The following FBXO45 variants were observed in gnomAD, a reference collection of about 807,000 sequenced individuals.
FBXO45 encodes F-box/SPRY domain-containing protein 1.
In FBXO45, 3 loss-of-function variants were observed where a neutral mutation model predicts 25.5. That is an observed-to-expected ratio of 0.12 (90% CI 0.05 to 0.30). The LOEUF (loss-of-function observed/expected upper bound fraction) is 0.30. Among genes scored for constraint, FBXO45 ranks in the 10% least tolerant of loss-of-function variants. The probability of loss-of-function intolerance (pLI) is 1.00; values close to 1 mark genes in which losing one functional copy is unlikely to be tolerated. For synonymous variants in FBXO45, 155 were observed against 149.8 expected (o/e 1.03, Z -0.25); for missense variants, 219 against 365.0 (o/e 0.60, Z 3.26).
chr3:196,575,948 A>G (rs1407455377), intron 1 of FBXO45, among the ~76,000 whole-genome samples: 1 of 152,132 alleles, frequency 6.6e-6, no homozygotes, highest in African/African-American at 2.4e-5. Flanking sequence ...AAGTGCTGGG[A>G]TTGCAGGGGT....
rs1735876910 is a variant in FBXO45 at position 196,574,273 on chromosome 3, A to G, written c.319-3180A>G. On this transcript the variant is annotated intron_variant, in intron 1 of 2. Coordinates refer to ENST00000311630, the MANE Select transcript of FBXO45 (RefSeq NM_001105573.2). ...TATGAAGTTTCCAGTATCTGTTTCT[A>G]AAAAGTAAAGACACTTAATGTAATC... 2.0e-5 allele frequency among the ~76,000 whole-genome samples: 3 copies of G among 152,142 alleles called. 1 individual carries two copies. Among genetic ancestry groups the G allele is most frequent in the African/African-American group, 7.2e-5 (3 of 41,430 alleles).
chr3:196,572,549 G>A (rs1333365255), intron 1 of FBXO45, among the ~76,000 whole-genome samples: 1 of 152,188 alleles, frequency 6.6e-6, no homozygotes, highest in Non-Finnish European at 1.5e-5. Flanking sequence ...ATATGTCAAT[G>A]TGGCTGGAGC....
At chr3:196,579,013 A>C (rs1735964392) in intron 2 of FBXO45, among the ~76,000 whole-genome samples, 1 of 152,188 alleles carries the variant, frequency 6.6e-6, no homozygotes, top group Non-Finnish European at 1.5e-5. Flanking sequence ...TTGTGGATTC[A>C]AAGCCCCTGG....
rs1369027510 is a variant in FBXO45 at position 196,588,471 on chromosome 3, C to A, written c.*4153C>A. The A allele has an allele frequency of 6.6e-6, 1 of 152,210 alleles. No homozygotes were observed. Among genetic ancestry groups the A allele is most frequent in the Admixed American group, 6.5e-5 (1 of 15,276 alleles). 9.4% of individuals were successfully genotyped at this position (152,210 alleles called of 1,614,324 possible). ...GTAGATAATCAGGACCACTTGGAAG[C>A]CTTTATTAGGAACAGCCCACACCCA... On this transcript the variant is annotated 3_prime_UTR_variant, in exon 3 of 3. Coordinates refer to ENST00000311630, the MANE Select transcript of FBXO45 (RefSeq NM_001105573.2). The surrounding 1 kb of genome is among the most constrained non-coding windows in gnomAD (Gnocchi z 4.2).
At chr3:196,580,444 T>A (rs1234945273) in intron 2 of FBXO45, among the ~76,000 whole-genome samples, 1 of 151,892 alleles carries the variant, frequency 6.6e-6, no homozygotes, top group Non-Finnish European at 1.5e-5. Flanking sequence ...ACTCCTGACC[T>A]CGTGATCCGC....
chr3:196,573,750 A>G (rs12636036), intron 1 of FBXO45, among the ~76,000 whole-genome samples: 85,220 of 151,550 alleles, frequency 0.56, 25,706 homozygotes, highest in African/African-American at 0.78. Flanking sequence ...TTAAGTTCAT[A>G]TTTTACATAT....
rs957457005 is a variant in FBXO45 at position 196,586,251 on chromosome 3, A to C, written c.*1933A>C. The C allele has an allele frequency of 5.3e-5, 8 of 152,156 alleles. No homozygotes were observed. Among genetic ancestry groups the C allele is most frequent in the Non-Finnish European group, 1.0e-4 (7 of 68,028 alleles). The allele number at this position is 152,156 out of a possible 1,614,324, so 9.4% of individuals were successfully genotyped here. ...TCCTTTAAGTACTTGTTTCTTTTTC[A>C]GGTTGTGATGTGGCCATTCCGAATT... On this transcript the variant is annotated 3_prime_UTR_variant, in exon 3 of 3. Transcript: ENST00000311630.
intron 2 of FBXO45, among the ~76,000 whole-genome samples, chr3:196,578,993 A>G (rs1735964210): frequency 1.3e-5 from 2 of 152,172 alleles, no homozygotes; most frequent in Non-Finnish European, 1.5e-5. Context: ...AGCTCTGTGC[A>G]TGCACATGTT....
At chr3:196,579,559 T>C (rs1308116795) in intron 2 of FBXO45, among the ~76,000 whole-genome samples, 1 of 152,226 alleles carries the variant, frequency 6.6e-6, no homozygotes, top group Admixed American at 6.5e-5. Flanking sequence ...TGTTTTATTC[T>C]AATATGTGGT....
chr3:196,572,717 A>G (rs755470480), intron 1 of FBXO45, among the ~76,000 whole-genome samples: 16 of 152,204 alleles, frequency 1.1e-4, no homozygotes, highest in Non-Finnish European at 2.4e-4. Context: ...TTCTGACTTT[A>G]GTATGGAGAA....
Position 196,570,932 on chromosome 3 carries a change from C to T in FBXO45, c.318+1630C>T, listed in dbSNP as rs545408141. ...TTCACCGTGTTAACCAGCATGGTCT[C>T]AATCTCCTGACCTCGTGATCCGTCG... is the stretch of plus-strand genomic sequence containing the variant. On this transcript the variant is annotated intron_variant, in intron 1 of 2. Coordinates refer to ENST00000311630, the MANE Select transcript of FBXO45 (RefSeq NM_001105573.2). Among the ~76,000 whole-genome samples the T allele has an allele frequency of 1.7e-4, 26 of 152,056 alleles. No individual in the cohort carries two copies. In the East Asian group the frequency reaches 4.9e-3, roughly 29 times the overall value.
chr3:196,584,069 G>T lies in FBXO45; in HGVS notation c.676-64G>T. The T allele has an allele frequency of 6.9e-7, 1 of 1,457,346 alleles. No individual in the cohort carries two copies. 90.3% of individuals were successfully genotyped at this position (1,457,346 alleles called of 1,614,324 possible). On this transcript the variant is annotated intron_variant, in intron 2 of 2. Transcript: ENST00000311630. This position sits in a 1 kb window ranked among gnomAD's most constrained non-coding sequence, Gnocchi z 4.3. ...TAATATTTTCAACTTCTTGATTTGTGTCTTGTTTCTTCTAGCTACACCCTT... is the reference window on the plus strand; with the variant it reads ...TAATATTTTCAACTTCTTGATTTGTTTCTTGTTTCTTCTAGCTACACCCTT...
chr3:196,582,380 T>C (rs2108729073), intron 2 of FBXO45, among the ~76,000 whole-genome samples: 1 of 152,322 alleles, frequency 6.6e-6, no homozygotes, highest in Middle Eastern at 3.4e-3. Flanking sequence ...GATGATGATT[T>C]GGAGGTTCTT....
At chr3:196,570,964 C>T (rs182630133) in intron 1 of FBXO45, among the ~76,000 whole-genome samples, 5 of 152,144 alleles carry the variant, frequency 3.3e-5, no homozygotes, top group African/African-American at 1.2e-4. Flanking sequence ...GTCGCCTTGG[C>T]CTCCCAAAGT....
Position 196,577,807 on chromosome 3 carries a change from C to A in FBXO45, c.673C>A (p.Gln225Lys). The change falls in exon 2 of 3, where the codon CAG becomes AAG. Residue 225 changes from glutamine to lysine, a missense_variant and splice_region_variant. Physicochemically the swap from Gln to Lys is moderately conservative, Grantham distance 53. This residue lies in a region of FBXO45 where 34 missense variants were observed against 48.2 expected (regional missense o/e 0.70). Coordinates refer to ENST00000311630, the MANE Select transcript of FBXO45 (RefSeq NM_001105573.2). ...FPQCNNAPKY[Q>K]IGERIRVILD... ...ACAGTGCAACAACGCACCAAAATAT[C>A]AGGTGAGAAACTGGGGTTTTTCTCA... 1.3e-6 allele frequency: 2 copies of A among 1,568,556 alleles called. No individual in the cohort carries two copies. The highest frequency in any genetic ancestry group is 1.7e-6 in the Non-Finnish European group (2 of 1,146,032).
chr3:196,576,546 TA>T (rs1577596856), intron 1 of FBXO45, among the ~76,000 whole-genome samples: 1 of 152,216 alleles, frequency 6.6e-6, no homozygotes, highest in Non-Finnish European at 1.5e-5. Flanking sequence ...AGACGTTGTC[TA>T]AAAAAAATTT....
At chr3:196,571,709 T>C (rs1735829227) in intron 1 of FBXO45, among the ~76,000 whole-genome samples, 1 of 152,230 alleles carries the variant, frequency 6.6e-6, no homozygotes, top group Admixed American at 6.5e-5. Flanking sequence ...TTCCTCTCCA[T>C]GTATGCAACC....
In FBXO45 at chr3:196,586,942, A is replaced by T. The variant is rs1736120974; in HGVS notation, c.*2624A>T. 6.6e-6 allele frequency: 1 copy of T among 152,168 alleles called. No homozygotes were observed. Among genetic ancestry groups the T allele is most frequent in the Non-Finnish European group, 1.5e-5 (1 of 68,030 alleles). 9.4% of individuals were successfully genotyped at this position (152,168 alleles called of 1,614,324 possible). On this transcript the variant is annotated 3_prime_UTR_variant, in exon 3 of 3. Transcript: ENST00000311630. ...TGCTCCCTCCCTTCACTACCTCACA[A>T]GGATATTGAGGGTAAAGGAGAAAAT...
Position 196,568,898 on chromosome 3 carries a change from C to A in FBXO45, c.-87C>A. 1.1e-6 allele frequency: 1 copy of A among 941,878 alleles called. No individual in the cohort carries two copies. The highest frequency in any genetic ancestry group is 1.3e-6 in the Non-Finnish European group (1 of 789,688). 58.3% of individuals were successfully genotyped at this position (941,878 alleles called of 1,614,324 possible). A position where few individuals can be genotyped will look rare whatever the true frequency, so the allele number is the denominator to read the frequency against. On this transcript the variant is annotated 5_prime_UTR_variant, in exon 1 of 3. Transcript: ENST00000311630. ...GACAGGGGCGGTGAGCGAGCCGCTC[C>A]GGTCTCCGGGCGAGGCTTGGCCTTC... is the stretch of plus-strand genomic sequence containing the variant.
Sources: gnomAD v4.1 joint callset for allele counts (sites outside exome capture counted in the v4.1 genomes callset) on GRCh38, gnomAD v4.1.1 for gene constraint, gnomAD v4.1.1 regional missense constraint, Gnocchi (gnomAD v3.1) non-coding constraint, MANE v1.5 for transcripts, NCBI Gene and HGNC (gene_info 2026-07-23, HGNC 2026-07-21) for gene names.